MAPK4: variants seen among roughly 807,000 people sequenced by gnomAD.
MAPK4 encodes the protein Erk3-related.
MAPK4 carries 22 observed loss-of-function variants against 47.7 expected under a neutral mutation model. The ratio of observed to expected loss-of-function variants is 0.46; its 90% CI spans 0.33 to 0.66. The LOEUF (loss-of-function observed/expected upper bound fraction) is 0.66. Ranked by LOEUF, MAPK4 falls within the 30% of genes least tolerant of loss-of-function variation. The pLI is 0.02. For synonymous variants in MAPK4, 390 were observed against 365.7 expected, an observed-to-expected ratio of 1.07 and a Z score of -0.76; for missense variants, 736 against 831.7, an observed-to-expected ratio of 0.88 and a Z score of 1.42.
chr18:50,723,877 A>G (rs1911059855), intron 4 of MAPK4, among the ~76,000 whole-genome samples: 1 of 151,884 alleles, frequency 6.6e-6, no homozygotes, highest in Admixed American at 6.6e-5. Context: ...AAAAAAAAAA[A>G]AAAGAAATGA....
intron 2 of MAPK4, among the ~76,000 whole-genome samples, chr18:50,685,261 A>G (rs1179802689): frequency 6.6e-6 from 1 of 152,236 alleles, no homozygotes; most frequent in Non-Finnish European, 1.5e-5. Flanking sequence ...GTTGGCTGGC[A>G]TCAGGGGCCT....
intron 1 of MAPK4, among the ~76,000 whole-genome samples, chr18:50,652,173 C>T (rs2043057305): frequency 6.6e-6 from 1 of 152,198 alleles, no homozygotes; most frequent in Admixed American, 6.5e-5. Flanking sequence ...ATCCAGGCCT[C>T]CTGGCTCCCT....
rs1911370969 is a variant in MAPK4, at chr18:50,729,140, CTGTT to C, written c.1068-14_1068-11del. 3.9e-6 allele frequency: 6 copies of C among 1,532,546 alleles called. No homozygotes were observed. The East Asian group carries it at 6.9e-5, about 18-fold the overall frequency. The allele number at this position is 1,532,546 out of a possible 1,614,324, so 94.9% of individuals were successfully genotyped here. A position where few individuals can be genotyped will look rare whatever the true frequency, so the allele number is the denominator to read the frequency against. ...CTGGCTTGGGCATCCAATCACCGCT[CTGTT>C]TGTACCCTTGCAGGTACCCTGTGAG... On this transcript the variant is annotated splice_polypyrimidine_tract_variant and intron_variant, in intron 5 of 5. Coordinates refer to ENST00000400384, the MANE Select transcript of MAPK4 (RefSeq NM_002747.4).
At chr18:50,567,868 A>G (rs1370875877) in intron 1 of MAPK4, among the ~76,000 whole-genome samples, 1 of 151,954 alleles carries the variant, frequency 6.6e-6, no homozygotes, top group East Asian at 1.9e-4. Flanking sequence ...AGGAAAAACA[A>G]TAACCTCTGA....
chr18:50,597,360 G>A (rs1023618610), intron 1 of MAPK4, among the ~76,000 whole-genome samples: 7 of 152,182 alleles, frequency 4.6e-5, no homozygotes, highest in African/African-American at 1.7e-4. Context: ...CACTCCCAGC[G>A]GCCAGTCCTG....
At chr18:50,635,704 G>T (rs2042879677) in intron 1 of MAPK4, among the ~76,000 whole-genome samples, 1 of 152,162 alleles carries the variant, frequency 6.6e-6, no homozygotes. Context: ...CCCCATGCCT[G>T]GTCCATAAGA....
chr18:50,696,924 G>A (rs921005297), intron 2 of MAPK4, among the ~76,000 whole-genome samples: 1 of 152,038 alleles, frequency 6.6e-6, no homozygotes, highest in African/African-American at 2.4e-5. Context: ...AAAAAAGTGG[G>A]GCCTGAAAGA....
At chr18:50,706,794 A>T (rs1910081283) in intron 2 of MAPK4, among the ~76,000 whole-genome samples, 1 of 152,096 alleles carries the variant, frequency 6.6e-6, no homozygotes, top group African/African-American at 2.4e-5. Context: ...CAACCAAATC[A>T]TCCCTCCACC....
chr18:50,577,940 A>C (rs2042312058), intron 1 of MAPK4, among the ~76,000 whole-genome samples: 2 of 152,190 alleles, frequency 1.3e-5, no homozygotes, highest in African/African-American at 4.8e-5. Context: ...TTTGGAGAAA[A>C]ATAACCAGAA....
In MAPK4 at chr18:50,729,760, C is replaced by T. The variant is rs1911449330; in HGVS notation, c.1670C>T (p.Pro557Leu). The T allele has an allele frequency of 1.9e-6, 3 of 1,610,726 alleles. No individual in the cohort carries two copies. The highest frequency in any genetic ancestry group is 3.3e-5 in the Admixed American group (2 of 59,760). ...LKLCTKPEDLPDNKLGDLNGA... is the reference protein window; with the variant it reads ...LKLCTKPEDLLDNKLGDLNGA... ...CTCTGCACCAAGCCCGAGGACCTGC[C>T]GGACAATAAACTGGGCGACCTCAAT... The change falls in exon 6 of 6, where the codon CCG (proline) becomes CTG (leucine). Residue 557 changes from proline to leucine, a missense_variant. By Grantham distance (98) the Pro-to-Leu change is moderately conservative (BLOSUM62 -3). Coordinates refer to ENST00000400384, the MANE Select transcript of MAPK4 (RefSeq NM_002747.4).
chr18:50,579,246 G>A (rs1184542841), intron 1 of MAPK4, among the ~76,000 whole-genome samples: 1 of 152,204 alleles, frequency 6.6e-6, no homozygotes, highest in Non-Finnish European at 1.5e-5. Context: ...CCCATGGGAA[G>A]TGATAAGGCC....
intron 2 of MAPK4, chr18:50,704,619 C>T (rs959466190): frequency 7.5e-5 from 30 of 398,510 alleles, no homozygotes; most frequent in East Asian, 2.5e-4. Context: ...TTCTTCTGAG[C>T]GTTCTCTGCA....
At chr18:50,589,101 T>C (rs1249759198) in intron 1 of MAPK4, among the ~76,000 whole-genome samples, 2 of 152,210 alleles carry the variant, frequency 1.3e-5, no homozygotes, top group Non-Finnish European at 2.9e-5. Context: ...GGTGAAAATA[T>C]GGTTGAGAAA....
chr18:50,659,752 G>T (rs1191341592), intron 1 of MAPK4, among the ~76,000 whole-genome samples: 1 of 152,208 alleles, frequency 6.6e-6, no homozygotes, highest in East Asian at 1.9e-4. Context: ...GGCTGCTCTT[G>T]TGAGAGTTCC....
chr18:50,729,061 G>A (rs1568101855), intron 5 of MAPK4, 97 bp from the exon 6 acceptor site: 1 of 1,060,448 alleles, frequency 9.4e-7, no homozygotes, highest in Non-Finnish European at 1.4e-6. Context: ...GTCGAAGGCA[G>A]GTGTGTGAGT....
At position 50,704,018 on chromosome 18, in the gene MAPK4, C is replaced by A. The variant is rs1404139594; in HGVS notation, c.547-11061C>A. ...CTTCCTGCCTACATTTAGGCTGGAC[C>A]ACCAGGAGCCTCCTCCTTCCCCACA... On this transcript the variant is annotated intron_variant, in intron 2 of 5. Coordinates refer to ENST00000400384, the MANE Select transcript of MAPK4 (RefSeq NM_002747.4). 2.6e-5 allele frequency among the ~76,000 whole-genome samples: 4 copies of A among 152,172 alleles called. No homozygotes were observed. The East Asian group carries it at 7.7e-4, about 29-fold the overall frequency.
intron 2 of MAPK4, among the ~76,000 whole-genome samples, chr18:50,711,553 C>T (rs754542000): frequency 5.9e-5 from 9 of 152,192 alleles, no homozygotes; most frequent in African/African-American, 1.9e-4. Flanking sequence ...CTGCAACAGC[C>T]GCGTGCAGAC....
chr18:50,684,249 T>C (rs1396013218), intron 2 of MAPK4, among the ~76,000 whole-genome samples: 1 of 152,192 alleles, frequency 6.6e-6, no homozygotes, highest in South Asian at 2.1e-4. Context: ...GTTATTGCAA[T>C]TAAGAAGAGC....
intron 1 of MAPK4, among the ~76,000 whole-genome samples, chr18:50,589,728 G>C (rs559234431): frequency 6.6e-6 from 1 of 152,192 alleles, no homozygotes; most frequent in African/African-American, 2.4e-5. Context: ...GGCTAGAAAT[G>C]GTTCTCTTTC....
Sources: gnomAD v4.1 joint callset for allele counts (sites outside exome capture counted in the v4.1 genomes callset) on GRCh38, gnomAD v4.1.1 for gene constraint, MANE v1.5 for transcripts, NCBI Gene and HGNC (gene_info 2026-07-23, HGNC 2026-07-21) for gene names.